ZNF407: variants seen among roughly 807,000 people sequenced by gnomAD.
ZNF407 encodes the protein zinc finger protein 407.
ZNF407 carries 17 observed loss-of-function variants against 131.2 expected under a neutral mutation model. That is an observed-to-expected ratio of 0.13 (90% CI 0.09 to 0.19). The LOEUF (loss-of-function observed/expected upper bound fraction) is 0.19, where lower values mean the gene tolerates loss of function less well. ZNF407 is among the 10% of genes least tolerant of loss of function. The probability of loss-of-function intolerance (pLI) is 1.00; values close to 1 mark genes in which losing one functional copy is unlikely to be tolerated. For synonymous variants in ZNF407, 1,156 were observed against 1,062.0 expected, an observed-to-expected ratio of 1.09 and a Z score of -1.72; for missense variants, 2,681 against 2,830.6, an observed-to-expected ratio of 0.95 and a Z score of 1.20.
rs191273381 is a variant in ZNF407 at position 75,034,598 on chromosome 18, G to A, written c.5429-28552G>A. 3.2e-3 allele frequency among the ~76,000 whole-genome samples: 488 copies of A among 151,524 alleles called. 5 individuals are homozygous for A. Among genetic ancestry groups the A allele is most frequent in the Admixed American group, 0.028 (425 of 15,224 alleles). On this transcript the variant is annotated intron_variant, in intron 8 of 8. Transcript: ENST00000299687. ...ATTACAGGCGTGAGCCACTGCGCCCGGCGGGTTTTTTTTTTTTAAATCAGG... is the reference window on the plus strand; with the variant it reads ...ATTACAGGCGTGAGCCACTGCGCCCAGCGGGTTTTTTTTTTTTAAATCAGG...
intron 1 of ZNF407, among the ~76,000 whole-genome samples, chr18:74,616,252 G>A (rs1230756366): frequency 6.6e-6 from 1 of 152,212 alleles, no homozygotes; most frequent in African/African-American, 2.4e-5. Context: ...GGAATTGACA[G>A]AAAGATTCAA....
At chr18:74,610,429 T>A (rs1983005455) in intron 1 of ZNF407, among the ~76,000 whole-genome samples, 1 of 152,216 alleles carries the variant, frequency 6.6e-6, no homozygotes, top group Non-Finnish European at 1.5e-5. Flanking sequence ...TGCAAGCAGC[T>A]TACCCTCCAG....
chr18:74,829,806 G>A (rs982917510), intron 4 of ZNF407, among the ~76,000 whole-genome samples: 1 of 151,334 alleles, frequency 6.6e-6, no homozygotes, highest in African/African-American at 2.4e-5. Flanking sequence ...TTTCACCTAA[G>A]AGAGCCTGTT....
intron 8 of ZNF407, among the ~76,000 whole-genome samples, chr18:74,956,269 C>T (rs1044366065): frequency 6.6e-6 from 1 of 151,970 alleles, no homozygotes; most frequent in Non-Finnish European, 1.5e-5. Flanking sequence ...TTGCATTCCT[C>T]CTGACATCCA....
intron 3 of ZNF407, among the ~76,000 whole-genome samples, chr18:74,755,581 G>GTTTT (rs1568199573): frequency 3.2e-5 from 1 of 31,038 alleles, no homozygotes; most frequent in African/African-American, 6.5e-5. Context: ...CCTCCTTTCT[G>GTTTT]GTTTTTTTTT....
In ZNF407 at chr18:75,063,732, G is replaced by A. The variant is rs753880081; in HGVS notation, c.6011G>A (p.Gly2004Asp). 10 of 1,612,200 alleles carry A rather than the reference G, an allele frequency of 6.2e-6. No individual in the cohort carries two copies. In the East Asian group the frequency reaches 1.6e-4, roughly 25 times the overall value. ...GTCACTGAATTAGGGGAGGTGGAGG[G>A]CAGGGCTGGGCTCGAGGAGCAAGGC... is the stretch of plus-strand genomic sequence containing the variant. ...CAVTELGEVE[G>D]RAGLEEQGRP... Residue 2004 changes from glycine to aspartate, a missense_variant, in exon 9 of 9, where the codon GGC becomes GAC. Physicochemically the swap from Gly to Asp is moderately conservative, Grantham distance 94 (BLOSUM62 -1). Transcript: ENST00000299687. The surrounding 1 kb of genome is among the most constrained non-coding windows in gnomAD (Gnocchi z 6.6).
intron 3 of ZNF407, among the ~76,000 whole-genome samples, chr18:74,684,330 A>AT (rs928697879): frequency 1.3e-5 from 2 of 152,152 alleles, no homozygotes; most frequent in African/African-American, 2.4e-5. Context: ...AAGGGAAAAC[A>AT]TTTTTTTAAA....
chr18:74,694,510 A>G (rs914045176), intron 3 of ZNF407, among the ~76,000 whole-genome samples: 4 of 150,868 alleles, frequency 2.7e-5, no homozygotes, highest in African/African-American at 9.7e-5. Context: ...CCAAGGATTC[A>G]TAGAGTCTCC....
At chr18:74,779,647 G>A (rs1473059361) in intron 3 of ZNF407, among the ~76,000 whole-genome samples, 3 of 150,750 alleles carry the variant, frequency 2.0e-5, no homozygotes, top group South Asian at 2.1e-4. Flanking sequence ...CAGCACGTTA[G>A]GACATTGTAT....
Position 74,804,146 on chromosome 18 carries a change from TTTTTCC to T in ZNF407, c.4877+22649_4877+22654del. 4 of 1,493,848 alleles carry T rather than the reference TTTTTCC, an allele frequency of 2.7e-6. No homozygotes were observed. In the South Asian group the frequency reaches 5.4e-5, roughly 20 times the overall value. The allele number at this position is 1,493,848 out of a possible 1,614,324, so 92.5% of individuals were successfully genotyped here. A position where few individuals can be genotyped will look rare whatever the true frequency, so the allele number is the denominator to read the frequency against. The stretch of plus-strand genomic sequence containing the variant: ...TTAGACATATTTCATTGTCTTTTTT[TTTTTCC>T]TTTTATCTGTGTACTTCTTTGCATA... On this transcript the variant is annotated intron_variant, in intron 4 of 8. Transcript: ENST00000299687.
intron 4 of ZNF407, among the ~76,000 whole-genome samples, chr18:74,813,473 C>T (rs764967677): frequency 9.2e-5 from 14 of 152,162 alleles, no homozygotes; most frequent in Non-Finnish European, 1.3e-4. Flanking sequence ...CCCCTTCACC[C>T]CACACCCACC....
chr18:74,698,376 T>G (rs1967410274), intron 3 of ZNF407, among the ~76,000 whole-genome samples: 1 of 152,252 alleles, frequency 6.6e-6, no homozygotes, highest in South Asian at 2.1e-4. Context: ...GTTAGTCATT[T>G]GTCTCTCACC....
chr18:74,984,634 G>A (rs1353788502), intron 8 of ZNF407, among the ~76,000 whole-genome samples: 1 of 152,166 alleles, frequency 6.6e-6, no homozygotes, highest in African/African-American at 2.4e-5. Context: ...GTGCCATAGT[G>A]CCCAAAACCT....
chr18:74,826,869 A>C (rs910680961), intron 4 of ZNF407, among the ~76,000 whole-genome samples: 1 of 152,210 alleles, frequency 6.6e-6, no homozygotes, highest in African/African-American at 2.4e-5. Context: ...GATCATTTTC[A>C]AACTCCCTGT....
At chr18:74,668,589 C>T (rs1986021444) in intron 3 of ZNF407, among the ~76,000 whole-genome samples, 1 of 152,146 alleles carries the variant, frequency 6.6e-6, no homozygotes, top group African/African-American at 2.4e-5. Context: ...TCTTACTGCT[C>T]CCAAATGTAA....
intron 8 of ZNF407, among the ~76,000 whole-genome samples, chr18:74,965,752 G>A (rs1972402105): frequency 6.6e-6 from 1 of 152,128 alleles, no homozygotes; most frequent in Non-Finnish European, 1.5e-5. Flanking sequence ...GTTCTCTGTA[G>A]TGGTTATACT....
At chr18:74,637,484 A>G (rs374776284) in intron 2 of ZNF407, among the ~76,000 whole-genome samples, 17 of 149,216 alleles carry the variant, frequency 1.1e-4, no homozygotes, top group African/African-American at 4.3e-4. Context: ...AACATTTAGT[A>G]AAAGTTAGCA....
At chr18:74,723,369 A>T (rs1399880890) in intron 3 of ZNF407, among the ~76,000 whole-genome samples, 1 of 151,958 alleles carries the variant, frequency 6.6e-6, no homozygotes, top group Non-Finnish European at 1.5e-5. Context: ...TTGCATCTTG[A>T]GCATTATGAA....
chr18:74,725,997 G>A (rs984144196), intron 3 of ZNF407, among the ~76,000 whole-genome samples: 4 of 152,140 alleles, frequency 2.6e-5, no homozygotes, highest in African/African-American at 9.7e-5. Context: ...GAATGGCAGG[G>A]AGATTTTACT....
Sources: gnomAD v4.1 joint callset for allele counts (sites outside exome capture counted in the v4.1 genomes callset) on GRCh38, gnomAD v4.1.1 for gene constraint, Gnocchi (gnomAD v3.1) non-coding constraint, MANE v1.5 for transcripts, NCBI Gene and HGNC (gene_info 2026-07-23, HGNC 2026-07-21) for gene names.